HEXD: variants seen among roughly 807,000 people sequenced by gnomAD.
The protein encoded by HEXD is N-acetyl-beta-galactosaminidase.
A neutral mutation model predicts 54.2 loss-of-function variants in HEXD; 47 were observed. The observed-to-expected ratio is 0.87, with a 90% confidence interval of 0.69 to 1.11. The LOEUF (loss-of-function observed/expected upper bound fraction) is 1.11, where lower values mean the gene tolerates loss of function less well. HEXD is among the 50% of genes least tolerant of loss of function. The pLI is 0.00. For synonymous variants in HEXD, 293 were observed against 287.6 expected (o/e 1.02, Z -0.19); for missense variants, 576 against 649.2 (o/e 0.89, Z 1.23).
intron 4 of HEXD, among the ~76,000 whole-genome samples, chr17:82,429,567 C>T (rs964706830): frequency 2.6e-5 from 4 of 152,130 alleles, no homozygotes; most frequent in African/African-American, 9.7e-5. Flanking sequence ...CACGTATCCA[C>T]AGAATGTCTC....
Position 82,433,817 on chromosome 17 carries a change from G to C in HEXD, c.442G>C (p.Asp148His). Reference protein sequence around the residue: ...PGAQRLHIGCDEVYYLGEGEA... With the variant: ...PGAQRLHIGCHEVYYLGEGEA... ...CGCCCAGCGGCTGCACATCGGGTGTGATGAGGTGGGTACTGTCACCCCAGC... is the reference window on the plus strand; with the variant it reads ...CGCCCAGCGGCTGCACATCGGGTGTCATGAGGTGGGTACTGTCACCCCAGC... Residue 148 changes from aspartate to histidine, a missense_variant, in exon 5 of 13, where the codon GAT (aspartate) becomes CAT (histidine). Asp to His is a moderately conservative substitution (Grantham distance 81). Coordinates refer to ENST00000327949, the MANE Select transcript of HEXD (RefSeq NM_001330542.2). The C allele has an allele frequency of 6.2e-7, 1 of 1,611,602 alleles. No individual in the cohort carries two copies. The highest frequency in any genetic ancestry group is 8.5e-7 in the Non-Finnish European group (1 of 1,179,186).
intron 8 of HEXD, among the ~76,000 whole-genome samples, chr17:82,438,942 G>A (rs151057553): frequency 2.0e-5 from 3 of 152,388 alleles, no homozygotes; most frequent in Admixed American, 6.5e-5. Flanking sequence ...TCCTTCAGGC[G>A]AGCCTGGGGC....
chr17:82,438,509 G>A (rs750993524), intron 8 of HEXD, among the ~76,000 whole-genome samples: 11 of 152,210 alleles, frequency 7.2e-5, no homozygotes, highest in South Asian at 2.1e-4. Flanking sequence ...TCACCCTGGC[G>A]CTCCCAGGCC....
chr17:82,440,299 CG>C, intron 9 of HEXD: 3 of 1,268,042 alleles, frequency 2.4e-6, no homozygotes, highest in African/African-American at 3.1e-5. Context: ...GAGCGGGACC[CG>C]CAGGCGCGGC....
At chr17:82,440,071 G>A (rs1480465529) in intron 9 of HEXD, 5 of 1,294,820 alleles carry the variant, frequency 3.9e-6, no homozygotes, top group East Asian at 5.1e-5. Flanking sequence ...TCAGGCGCCC[G>A]GCCCTGGAAG....
At chr17:82,427,576 T>C (rs958751897) in intron 3 of HEXD, among the ~76,000 whole-genome samples, 1 of 152,150 alleles carries the variant, frequency 6.6e-6, no homozygotes, top group African/African-American at 2.4e-5. Flanking sequence ...TGCGATGACA[T>C]GATCAGGGGT....
In HEXD at chr17:82,440,286, G is replaced by C. The variant is rs558027033; in HGVS notation, c.982+573G>C. The C allele has an allele frequency of 6.2e-6, 8 of 1,281,154 alleles. No homozygotes were observed. The East Asian group carries it at 3.9e-4, about 63-fold the overall frequency. 79.4% of individuals were successfully genotyped at this position (1,281,154 alleles called of 1,614,324 possible). On this transcript the variant is annotated intron_variant, in intron 9 of 12. Transcript: ENST00000327949. ...AGAAAGAAAAATGGCCGAGACGCGC[G>C]GAGAGCGGGACCCGCAGGCGCGGCG...
At chr17:82,438,670 A>T (rs1452337922) in intron 8 of HEXD, among the ~76,000 whole-genome samples, 1 of 152,226 alleles carries the variant, frequency 6.6e-6, no homozygotes, top group African/African-American at 2.4e-5. Flanking sequence ...TGGAGGCCAG[A>T]CCCACCAGGG....
chr17:82,421,385 G>A (rs577822707), intron 2 of HEXD, among the ~76,000 whole-genome samples: 1 of 152,326 alleles, frequency 6.6e-6, no homozygotes, highest in South Asian at 2.1e-4. Flanking sequence ...AGGTCCTGGG[G>A]AAAGGCGTCC....
At chr17:82,432,992 G>A (rs2053624947) in intron 4 of HEXD, among the ~76,000 whole-genome samples, 1 of 142,064 alleles carries the variant, frequency 7.0e-6, no homozygotes, top group Non-Finnish European at 1.5e-5. Flanking sequence ...TGTGAACCTG[G>A]GAGGCAGAGC....
At chr17:82,437,568 G>A (rs2053807396) in intron 8 of HEXD, among the ~76,000 whole-genome samples, 1 of 152,244 alleles carries the variant, frequency 6.6e-6, no homozygotes, top group African/African-American at 2.4e-5. Context: ...CCCGTGTTCA[G>A]GGTCACGAAC....
Position 82,424,483 on chromosome 17 carries a change from G to GACTC in HEXD, c.175_176insCTCA (p.Arg59ThrfsTer11), listed in dbSNP as rs1433420357. On this transcript the variant is annotated frameshift_variant, in exon 3 of 13. Transcript: ENST00000327949. LOFTEE classifies it high-confidence loss of function. The stretch of plus-strand genomic sequence containing the variant: ...CCTACGAGGGCCCTCTGAGGCTGCT[G>GACTC]AGGGCCAAGTACGCCTACAGGTAAC... 6.2e-7 allele frequency: 1 copy of GACTC among 1,613,600 alleles called. No individual in the cohort carries two copies.
intron 2 of HEXD, 25 bp from the exon 3 acceptor site, chr17:82,424,369 T>G: frequency 1.9e-6 from 3 of 1,542,640 alleles, no homozygotes; most frequent in Non-Finnish European, 1.8e-6. Context: ...CACTTCTTCC[T>G]AACCCCTCCC....
chr17:82,438,666 C>A (rs1046218973), intron 8 of HEXD, among the ~76,000 whole-genome samples: 1 of 152,246 alleles, frequency 6.6e-6, no homozygotes, highest in Non-Finnish European at 1.5e-5. Context: ...CGGCTGGAGG[C>A]CAGACCCACC....
At chr17:82,424,058 C>T (rs1366984860) in intron 2 of HEXD, among the ~76,000 whole-genome samples, 3 of 151,992 alleles carry the variant, frequency 2.0e-5, no homozygotes, top group African/African-American at 7.3e-5. Flanking sequence ...GCCCCTCAGC[C>T]TGGCTGCCTT....
At position 82,419,933 on chromosome 17, in the gene HEXD, T is replaced by G. The variant is rs778810861; in HGVS notation, c.84+50T>G. The G allele has an allele frequency of 2.8e-5, 35 of 1,260,288 alleles. No individual in the cohort carries two copies. The East Asian group carries it at 7.9e-4, about 28-fold the overall frequency. The allele number at this position is 1,260,288 out of a possible 1,614,324, so 78.1% of individuals were successfully genotyped here. On this transcript the variant is annotated intron_variant, in intron 2 of 12. Transcript: ENST00000327949. ...AGCATTACTTTTTGCCTTGGCTTCA[T>G]TCTTTAAAGTTTTGAGCAGTGTTCT...
At position 82,418,498 on chromosome 17, in the gene HEXD, C is replaced by A; in HGVS notation, c.-294C>A. On this transcript the variant is annotated 5_prime_UTR_variant, in exon 1 of 13. Transcript: ENST00000327949. Reference sequence around the variant, plus strand: ...GCTGAGGAGCCATCGGACCAGGCCGCCGCGGAGCCGGGCCGGACGCGGGCG... The same window carrying A: ...GCTGAGGAGCCATCGGACCAGGCCGACGCGGAGCCGGGCCGGACGCGGGCG... 1 of 1,371,988 alleles carries A rather than the reference C, an allele frequency of 7.3e-7. No individual in the cohort carries two copies. Among genetic ancestry groups the A allele is most frequent in the Non-Finnish European group, 9.4e-7 (1 of 1,063,872 alleles). 85.0% of individuals were successfully genotyped at this position (1,371,988 alleles called of 1,614,324 possible). A position where few individuals can be genotyped will look rare whatever the true frequency, so the allele number is the denominator to read the frequency against.
In HEXD at chr17:82,433,022, T is replaced by C. The variant is rs111800633; in HGVS notation, c.283-636T>C. The stretch of plus-strand genomic sequence containing the variant: ...CAGAGCTTGTAGTGAGCCGAGATCA[T>C]GCCACTGCACTCCAGACTGGGCGGC... On this transcript the variant is annotated intron_variant, in intron 4 of 12. Transcript: ENST00000327949. Among the ~76,000 whole-genome samples, 968 of 124,242 alleles carry C rather than the reference T, an allele frequency of 7.8e-3. 9 individuals are homozygous for C. Among genetic ancestry groups the C allele is most frequent in the African/African-American group, 0.015 (487 of 32,682 alleles). The allele number at this position is 124,242 out of a possible 152,430, so 81.5% of individuals were successfully genotyped here. A position where few individuals can be genotyped will look rare whatever the true frequency, so the allele number is the denominator to read the frequency against.
chr17:82,419,008 C>A (rs188070959), intron 1 of HEXD, among the ~76,000 whole-genome samples: 3 of 152,212 alleles, frequency 2.0e-5, no homozygotes, highest in Non-Finnish European at 4.4e-5. Context: ...AACCCCTGCA[C>A]GGAACCAGGG....
Sources: allele counts gnomAD v4.1 joint callset (sites outside exome capture counted in the v4.1 genomes callset), GRCh38; gene constraint gnomAD v4.1.1; transcripts MANE v1.5; gene names NCBI Gene and HGNC (gene_info 2026-07-23, HGNC 2026-07-21).